The following DNAI1 variants were observed in gnomAD, a reference collection of about 807,000 sequenced individuals.
The protein encoded by DNAI1 is dynein axonemal intermediate chain 1.
A neutral mutation model predicts 92.0 loss-of-function variants in DNAI1; 67 were observed. That is an observed-to-expected ratio of 0.73 (90% CI 0.60 to 0.89). The LOEUF is 0.89. Ranked by LOEUF, DNAI1 falls within the 40% of genes least tolerant of loss-of-function variation. The pLI is 0.00. For synonymous variants in DNAI1, 323 were observed against 319.6 expected (o/e 1.01, Z -0.11); for missense variants, 839 against 866.6 (o/e 0.97, Z 0.40).
chr9:34,500,869 G>A (rs1220766838), intron 11 of DNAI1, 30 bp downstream of exon 11: 45 of 1,550,322 alleles, frequency 2.9e-5, no homozygotes, highest in Non-Finnish European at 4.0e-5. Flanking sequence ...CAAATGCAGA[G>A]CCCCTGAGTG....
intron 4 of DNAI1, 121 bp from the exon 5 acceptor site, chr9:34,489,202 G>A (rs375611368): frequency 2.6e-6 from 3 of 1,171,816 alleles, no homozygotes; most frequent in Non-Finnish European, 3.8e-6. Flanking sequence ...TGAGGATTTG[G>A]TGAGTTACAT....
chr9:34,492,859 A>G (rs780988136), intron 8 of DNAI1, among the ~76,000 whole-genome samples: 11 of 151,810 alleles, frequency 7.2e-5, no homozygotes, highest in Non-Finnish European at 1.3e-4. Context: ...CTTTTAAATC[A>G]CCAACAAAAA....
At chr9:34,519,782 G>T (rs1056935168) in intron 19 of DNAI1, among the ~76,000 whole-genome samples, 1 of 152,186 alleles carries the variant, frequency 6.6e-6, no homozygotes, top group Non-Finnish European at 1.5e-5. Context: ...ACAGGTGGCT[G>T]AGAGGATGGG....
chr9:34,514,504 C>G lies in DNAI1; in HGVS notation c.1680C>G (p.Ser560Arg). The change falls in exon 17 of 20, where the codon AGC (serine) becomes AGG (arginine). Residue 560 changes from serine (S) to arginine (R), a missense_variant. By Grantham distance (110) the Ser-to-Arg change is moderately radical. Transcript: ENST00000242317. ...PYHTKVFMSC[S>R]SDWTVKIWDH... ...ACACCAAGGTCTTCATGTCCTGCAG[C>G]TCCGACTGGACAGTGAAGATCTGGG... 1.2e-6 allele frequency: 2 copies of G among 1,614,248 alleles called. No individual in the cohort carries two copies. Among genetic ancestry groups the G allele is most frequent in the Non-Finnish European group, 1.7e-6 (2 of 1,180,038 alleles).
chr9:34,481,990 G>A (rs554481614), intron 1 of DNAI1, among the ~76,000 whole-genome samples: 1 of 152,306 alleles, frequency 6.6e-6, no homozygotes, highest in East Asian at 1.9e-4. Flanking sequence ...GTAGAGCCGA[G>A]TGGCCTGTTT....
In DNAI1 at chr9:34,520,800, C is replaced by A; in HGVS notation, c.*44C>A. The A allele has an allele frequency of 6.5e-7, 1 of 1,540,792 alleles. No homozygotes were observed. The highest frequency in any genetic ancestry group is 8.8e-7 in the Non-Finnish European group (1 of 1,137,268). ...TGTCCCATCGCTTGAATACAGTACT[C>A]CTAGGGCTTGACCCTGGTACCCAGC... is the stretch of plus-strand genomic sequence containing the variant. On this transcript the variant is annotated 3_prime_UTR_variant, in exon 20 of 20. Transcript: ENST00000242317.
intron 15 of DNAI1, 142 bp downstream of exon 15, chr9:34,512,566 G>A (rs1825087739): frequency 1.7e-5 from 14 of 810,908 alleles, no homozygotes; most frequent in South Asian, 3.0e-5. Context: ...AGGAAGGCCC[G>A]GCCCTGTCTG....
At chr9:34,507,820 AC>A in intron 13 of DNAI1, among the ~76,000 whole-genome samples, 1 of 151,936 alleles carries the variant, frequency 6.6e-6, no homozygotes, top group Middle Eastern at 3.4e-3. Context: ...TCTCTGTAGC[AC>A]CCCCTCTTCT....
At chr9:34,468,274 C>T (rs113600176) in intron 1 of DNAI1, among the ~76,000 whole-genome samples, 4 of 151,914 alleles carry the variant, frequency 2.6e-5, no homozygotes, top group African/African-American at 9.7e-5. Flanking sequence ...CTCCTCCTTC[C>T]AGGTTCACGC....
chr9:34,500,982 C>G lies in DNAI1; in HGVS notation c.1019+143C>G. On this transcript the variant is annotated intron_variant, in intron 11 of 19. Transcript: ENST00000242317. ...TATGGAACTTGGATTCTTATGGGAT[C>G]ACAAGACCACCCCCAGGACTCCCAA... The G allele has an allele frequency of 3.1e-6, 3 of 966,984 alleles. No individual in the cohort carries two copies. In the South Asian group the frequency reaches 3.9e-5, roughly 13 times the overall value. The allele number at this position is 966,984 out of a possible 1,614,324, so 59.9% of individuals were successfully genotyped here.
chr9:34,481,868 A>G (rs942078616), intron 1 of DNAI1, among the ~76,000 whole-genome samples: 1 of 152,216 alleles, frequency 6.6e-6, no homozygotes, highest in Non-Finnish European at 1.5e-5. Context: ...TATTGCAAAG[A>G]GCAAAAGAAC....
chr9:34,506,569 C>T, intron 12 of DNAI1, 58 bp from the exon 13 acceptor site: 1 of 1,611,524 alleles, frequency 6.2e-7, no homozygotes, highest in Non-Finnish European at 8.5e-7. Context: ...GGTGAGGGGG[C>T]TTCTCCAGGC....
chr9:34,511,140 G>A (rs1009646045), intron 13 of DNAI1, among the ~76,000 whole-genome samples: 3 of 152,250 alleles, frequency 2.0e-5, no homozygotes, highest in African/African-American at 7.2e-5. Flanking sequence ...CAGCATGGGC[G>A]GTCTGGAGGG....
At chr9:34,501,203 T>C in intron 12 of DNAI1, 22 bp downstream of exon 12, 1 of 1,598,530 alleles carries the variant, frequency 6.3e-7, no homozygotes, top group Non-Finnish European at 8.6e-7. Context: ...GACTATTCAT[T>C]TATTTGCTCA....
At chr9:34,491,366 A>T in intron 7 of DNAI1, 129 bp from the exon 8 acceptor site, 1 of 910,362 alleles carries the variant, frequency 1.1e-6, no homozygotes, top group Non-Finnish European at 1.8e-6. Context: ...GCCCCTCTTT[A>T]CTTCCCCAGC....
intron 15 of DNAI1, 47 bp from the exon 16 acceptor site, chr9:34,513,065 C>T (rs1485589884): frequency 1.3e-6 from 2 of 1,516,606 alleles, no homozygotes; most frequent in South Asian, 1.1e-5. Flanking sequence ...CACTGGGAGC[C>T]TCCCTCTTGG....
chr9:34,497,286 A>T, intron 10 of DNAI1, 87 bp downstream of exon 10: 3 of 999,492 alleles, frequency 3.0e-6, no homozygotes, highest in South Asian at 1.3e-5. Context: ...GTCTCTTGCT[A>T]GCTCCTATAG....
In DNAI1 at chr9:34,514,497, C is replaced by G. The variant is rs780095083; in HGVS notation, c.1673C>G (p.Ser558Cys). 6.2e-7 allele frequency: 1 copy of G among 1,614,240 alleles called. No individual in the cohort carries two copies. Among genetic ancestry groups the G allele is most frequent in the Non-Finnish European group, 8.5e-7 (1 of 1,180,048 alleles). ...CCATACCACACCAAGGTCTTCATGT[C>G]CTGCAGCTCCGACTGGACAGTGAAG... ...WNPYHTKVFM[S>C]CSSDWTVKIW... is the part of the protein sequence containing the mutation. Residue 558 changes from serine (S) to cysteine (C), a missense_variant, in exon 17 of 20, where the codon TCC becomes TGC. Coordinates refer to ENST00000242317, the MANE Select transcript of DNAI1 (RefSeq NM_012144.4).
chr9:34,493,389 G>A, intron 9 of DNAI1, 61 bp downstream of exon 9: 1 of 1,608,302 alleles, frequency 6.2e-7, no homozygotes, highest in Non-Finnish European at 8.5e-7. Flanking sequence ...TGGCCTCTGG[G>A]TAGACAGAAG....
Sources: gnomAD v4.1 joint callset for allele counts (sites outside exome capture counted in the v4.1 genomes callset) on GRCh38, gnomAD v4.1.1 for gene constraint, MANE v1.5 for transcripts, NCBI Gene and HGNC (gene_info 2026-07-23, HGNC 2026-07-21) for gene names.